KIRREL3: variants seen among roughly 807,000 people sequenced by gnomAD.
The protein encoded by KIRREL3 is kirre like nephrin family adhesion molecule 3.
A neutral mutation model predicts 89.7 loss-of-function variants in KIRREL3; 36 were observed. That is an observed-to-expected ratio of 0.40 (90% CI 0.31 to 0.53). The LOEUF (loss-of-function observed/expected upper bound fraction) is 0.53. Among genes scored for constraint, KIRREL3 ranks in the 20% least tolerant of loss-of-function variants. The pLI is 0.49. For synonymous variants in KIRREL3, 445 were observed against 441.4 expected (o/e 1.01, Z -0.10); for missense variants, 864 against 1,056.6 (o/e 0.82, Z 2.53).
rs138373467 is a variant in KIRREL3, at chr11:126,644,218, A to G, written c.56-81306T>C. On this transcript the variant is annotated intron_variant, in intron 1 of 16. Transcript: ENST00000525144. The stretch of plus-strand genomic sequence containing the variant: ...GGCTATGAGAACTGGGAACTGGAAA[A>G]TCAAGTAGGCAGAAGGACGAAAAGC... Among the ~76,000 whole-genome samples the G allele has an allele frequency of 4.0e-3, 606 of 152,360 alleles. 1 individual carries two copies. The highest frequency in any genetic ancestry group is 0.014 in the African/African-American group (573 of 41,582).
rs571742182 is a variant in KIRREL3, at chr11:126,879,022, T to C, written c.55+121433A>G. On this transcript the variant is annotated intron_variant, in intron 1 of 16. Transcript: ENST00000525144. The surrounding 1 kb of genome is among the most constrained non-coding windows in gnomAD (Gnocchi z 5.4). ...ATCTCTCTCCTAATCAGTGTATCTT[T>C]CTTCCTTACAGCTAAGCAATCTTTG... 5.3e-5 allele frequency among the ~76,000 whole-genome samples: 8 copies of C among 152,368 alleles called. No individual in the cohort carries two copies. The East Asian group carries it at 1.5e-3, about 29-fold the overall frequency.
chr11:126,884,754 A>G (rs1304171095), intron 1 of KIRREL3, among the ~76,000 whole-genome samples: 1 of 152,182 alleles, frequency 6.6e-6, no homozygotes, highest in Non-Finnish European at 1.5e-5. Context: ...AGATTGTGGA[A>G]GTTCTCAGAA....
Position 126,640,362 on chromosome 11 carries a change from G to GCACGCGCGCA in KIRREL3, c.56-77451_56-77450insTGCGCGCGTG, listed in dbSNP as rs1944422092. 6.6e-6 allele frequency among the ~76,000 whole-genome samples: 1 copy of GCACGCGCGCA among 151,692 alleles called. No homozygotes were observed. Among genetic ancestry groups the GCACGCGCGCA allele is most frequent in the Non-Finnish European group, 1.5e-5 (1 of 67,850 alleles). On this transcript the variant is annotated intron_variant, in intron 1 of 16. Transcript: ENST00000525144. The surrounding 1 kb of genome is among the most constrained non-coding windows in gnomAD (Gnocchi z 4.9). The stretch of plus-strand genomic sequence containing the variant: ...CACACACAGACGCGCGTGTGCGCGC[G>GCACGCGCGCA]CACACACACGCACACGCGCACACAC...
Position 127,000,337 on chromosome 11 carries a change from C to G in KIRREL3, c.55+118G>C. ...ATGCCAGAGCATCTCAGCCCGGCAC[C>G]GAGAGACGCATCCATCAGTCCGAGT... On this transcript the variant is annotated intron_variant, in intron 1 of 16. Transcript: ENST00000525144. This position sits in a 1 kb window ranked among gnomAD's most constrained non-coding sequence, Gnocchi z 7.1. 1.3e-6 allele frequency: 1 copy of G among 751,428 alleles called. No individual in the cohort carries two copies. The highest frequency in any genetic ancestry group is 2.9e-5 in the East Asian group (1 of 34,486). 46.5% of individuals were successfully genotyped at this position (751,428 alleles called of 1,614,324 possible). A position where few individuals can be genotyped will look rare whatever the true frequency, so the allele number is the denominator to read the frequency against.
At chr11:126,865,481 T>C (rs1156659291) in intron 1 of KIRREL3, among the ~76,000 whole-genome samples, 1 of 152,248 alleles carries the variant, frequency 6.6e-6, no homozygotes, top group African/African-American at 2.4e-5. Context: ...GAAGCAACAA[T>C]GCCCCGGTGC....
Position 126,473,422 on chromosome 11 carries a change from G to C in KIRREL3, c.478C>G (p.Leu160Val). The change falls in exon 5 of 17, where the codon CTG becomes GTG. Residue 160 changes from leucine to valine, a missense_variant. By Grantham distance (32) the Leu-to-Val change is conservative. Transcript: ENST00000525144. ...AGGTTGAGAGGGTCCCCCGCACGCA[G>C]GCTGATCACAGGGCCCCCCAGGATG... Reference protein sequence around the residue: ...PVILGGPVISLRAGDPLNLTC... With the variant: ...PVILGGPVISVRAGDPLNLTC... 1 of 1,583,930 alleles carries C rather than the reference G, an allele frequency of 6.3e-7. No homozygotes were observed. The highest frequency in any genetic ancestry group is 8.6e-7 in the Non-Finnish European group (1 of 1,160,440).
chr11:126,924,511 G>A lies in KIRREL3; in HGVS notation c.55+75944C>T, dbSNP rs774752979. ...TCCTGTGCCATTATTGTACTTGCCCGTTTGCAACAAGGAACATCTTTGGCT... is the reference window on the plus strand; with the variant it reads ...TCCTGTGCCATTATTGTACTTGCCCATTTGCAACAAGGAACATCTTTGGCT... On this transcript the variant is annotated intron_variant, in intron 1 of 16. Coordinates refer to ENST00000525144, the MANE Select transcript of KIRREL3 (RefSeq NM_032531.4). The surrounding 1 kb of genome is among the most constrained non-coding windows in gnomAD (Gnocchi z 4.7). Among the ~76,000 whole-genome samples the A allele has an allele frequency of 3.9e-5, 6 of 152,160 alleles. No homozygotes were observed. Among genetic ancestry groups the A allele is most frequent in the Non-Finnish European group, 7.3e-5 (5 of 68,034 alleles).
In KIRREL3 at chr11:126,558,538, A is replaced by T. The variant is rs941756127; in HGVS notation, c.133+4297T>A. Among the ~76,000 whole-genome samples the T allele has an allele frequency of 6.6e-6, 1 of 151,976 alleles. No homozygotes were observed. Among genetic ancestry groups the T allele is most frequent in the Non-Finnish European group, 1.5e-5 (1 of 68,022 alleles). ...GTCCTGGCTCTTCCAGCCACTTCATATGGGCCCCGGGCAAGTTGCTGCATG... is the reference window on the plus strand; with the variant it reads ...GTCCTGGCTCTTCCAGCCACTTCATTTGGGCCCCGGGCAAGTTGCTGCATG... On this transcript the variant is annotated intron_variant, in intron 2 of 16. Coordinates refer to ENST00000525144, the MANE Select transcript of KIRREL3 (RefSeq NM_032531.4). The surrounding 1 kb of genome is among the most constrained non-coding windows in gnomAD (Gnocchi z 4.0).
rs553573102 is a variant in KIRREL3, at chr11:126,529,121, C to T, written c.134-2434G>A. On this transcript the variant is annotated intron_variant, in intron 2 of 16. Transcript: ENST00000525144. ...TTAGGAAGCACCCACAGTGGGTAAC[C>T]GTCCCGGTCTCTCCCCGTCCTGTGT... Among the ~76,000 whole-genome samples the T allele has an allele frequency of 4.7e-4, 71 of 152,254 alleles. No individual in the cohort carries two copies. In the South Asian group the frequency reaches 0.013, roughly 28 times the overall value.
At position 126,883,150 on chromosome 11, in the gene KIRREL3, T is replaced by G. The variant is rs553085660; in HGVS notation, c.55+117305A>C. Among the ~76,000 whole-genome samples, 1 of 152,224 alleles carries G rather than the reference T, an allele frequency of 6.6e-6. No individual in the cohort carries two copies. The highest frequency in any genetic ancestry group is 1.9e-4 in the East Asian group (1 of 5,184). On this transcript the variant is annotated intron_variant, in intron 1 of 16. Transcript: ENST00000525144. This position sits in a 1 kb window ranked among gnomAD's most constrained non-coding sequence, Gnocchi z 4.1. ...CTTTCTCTTCTGAAAATTAATTGAG[T>G]CAGATACTGAATCTGGAGCCTAACT...
At chr11:126,920,336 T>C (rs1309000217) in intron 1 of KIRREL3, 1 of 152,308 alleles carries the variant, frequency 6.6e-6, no homozygotes, top group Non-Finnish European at 1.5e-5. Context: ...CAAAGATAAA[T>C]GCTCAGCACC....
At chr11:126,899,417 G>A (rs1010434610) in intron 1 of KIRREL3, among the ~76,000 whole-genome samples, 2 of 152,202 alleles carry the variant, frequency 1.3e-5, no homozygotes, top group African/African-American at 4.8e-5. Flanking sequence ...GAAAAGAAGT[G>A]TCACCTATCC....
At chr11:126,451,284 G>C (rs1956121954) in intron 7 of KIRREL3, among the ~76,000 whole-genome samples, 2 of 149,776 alleles carry the variant, frequency 1.3e-5, no homozygotes, top group African/African-American at 2.5e-5. Context: ...GTGCATGTGT[G>C]CGTGTGTGCA....
chr11:126,795,515 G>A lies in KIRREL3; in HGVS notation c.55+204940C>T, dbSNP rs776686777. On this transcript the variant is annotated intron_variant, in intron 1 of 16. Coordinates refer to ENST00000525144, the MANE Select transcript of KIRREL3 (RefSeq NM_032531.4). This position sits in a 1 kb window ranked among gnomAD's most constrained non-coding sequence, Gnocchi z 4.1. ...CTCCTGAGCAGCTAGGACTACAGGC[G>A]TGTGCCACCACACCTGGCTAATTTT... Among the ~76,000 whole-genome samples, 22 of 152,146 alleles carry A rather than the reference G, an allele frequency of 1.4e-4. No individual in the cohort carries two copies. Among genetic ancestry groups the A allele is most frequent in the Admixed American group, 5.9e-4 (9 of 15,294 alleles).
intron 1 of KIRREL3, chr11:126,936,162 TG>T (rs1948176609): frequency 6.6e-6 from 1 of 152,176 alleles, no homozygotes; most frequent in Non-Finnish European, 1.5e-5. Context: ...CATTAATCAC[TG>T]GGGAAATACA....
chr11:126,730,459 G>A (rs1035913373), intron 1 of KIRREL3, among the ~76,000 whole-genome samples: 5 of 152,248 alleles, frequency 3.3e-5, no homozygotes, highest in South Asian at 2.1e-4. Context: ...GCCCATTCTC[G>A]CAGCTCTGAG....
intron 1 of KIRREL3, among the ~76,000 whole-genome samples, chr11:126,888,446 G>C (rs1050350925): frequency 1.3e-5 from 2 of 152,160 alleles, no homozygotes; most frequent in Admixed American, 1.3e-4. Context: ...ATAGGAGGGC[G>C]CAACAAAAGT....
chr11:126,815,241 T>A (rs1951518170), intron 1 of KIRREL3, among the ~76,000 whole-genome samples: 3 of 152,166 alleles, frequency 2.0e-5, no homozygotes, highest in African/African-American at 7.2e-5. Flanking sequence ...CTGGATTGAG[T>A]TAAGGATGGG....
rs1474870383 is a variant in KIRREL3 at position 126,485,939 on chromosome 11, G to A, written c.434-12473C>T. On this transcript the variant is annotated intron_variant, in intron 4 of 16. Coordinates refer to ENST00000525144, the MANE Select transcript of KIRREL3 (RefSeq NM_032531.4). The surrounding 1 kb of genome is among the most constrained non-coding windows in gnomAD (Gnocchi z 5.8). ...TAGTCCAGTGGGCCAGGGAAAGGGA[G>A]CCAGGTGCTGTCAGGGTCAAAGTCA... 1.3e-5 allele frequency among the ~76,000 whole-genome samples: 2 copies of A among 152,236 alleles called. No homozygotes were observed. Among genetic ancestry groups the A allele is most frequent in the Admixed American group, 6.5e-5 (1 of 15,294 alleles).
Sources: gnomAD v4.1 joint callset for allele counts (sites outside exome capture counted in the v4.1 genomes callset) on GRCh38, gnomAD v4.1.1 for gene constraint, Gnocchi (gnomAD v3.1) non-coding constraint, MANE v1.5 for transcripts, NCBI Gene and HGNC (gene_info 2026-07-23, HGNC 2026-07-21) for gene names.